The following UPK1A variants were observed in gnomAD, a reference collection of about 807,000 sequenced individuals.
UPK1A encodes uroplakin 1A.
A neutral mutation model predicts 32.3 loss-of-function variants in UPK1A; 31 were observed. That is an observed-to-expected ratio of 0.96 (90% confidence interval 0.72 to 1.30). The LOEUF (loss-of-function observed/expected upper bound fraction) is 1.30. UPK1A is among the 50% of genes most tolerant of loss of function. The pLI is 0.00. For missense variants in UPK1A, 340 were observed against 357.4 expected (o/e 0.95, Z 0.39); for synonymous variants, 135 against 137.1 (o/e 0.98, Z 0.11).
chr19:35,668,766 A>G (rs903905561), intron 3 of UPK1A, 112 bp downstream of exon 3: 5 of 1,206,850 alleles, frequency 4.1e-6, no homozygotes, highest in Middle Eastern at 2.9e-4. Context: ...ATGGTGTCAC[A>G]CTCAGGGATC....
Sources: allele counts gnomAD v4.1 joint callset, GRCh38; gene constraint gnomAD v4.1.1; transcripts MANE v1.5; gene names NCBI Gene and HGNC (gene_info 2026-07-23, HGNC 2026-07-21).